AKR1D1: variants seen among roughly 807,000 people sequenced by gnomAD.
AKR1D1 encodes aldo-keto reductase family 1 member D1.
Under a neutral mutation model 42.6 loss-of-function variants are expected in AKR1D1, and 32 were observed. That is an observed-to-expected ratio of 0.75 (90% confidence interval 0.57 to 1.01). AKR1D1 has a LOEUF of 1.01. Ranked by LOEUF, AKR1D1 falls within the 50% of genes least tolerant of loss-of-function variation. AKR1D1 has a pLI of 0.00. For missense variants in AKR1D1, 364 were observed against 402.2 expected (o/e 0.91, Z 0.81); for synonymous variants, 123 against 135.5 (o/e 0.91, Z 0.64).
At chr7:138,097,797 A>T in intron 3 of AKR1D1, 69 bp from the exon 4 acceptor site, 1 of 1,250,856 alleles carries the variant, frequency 8.0e-7, no homozygotes, top group African/African-American at 1.5e-5. Context: ...TGGGAAGTCT[A>T]AATTCTATTA....
chr7:138,096,867 T>G (rs1344145704), intron 3 of AKR1D1, among the ~76,000 whole-genome samples: 1 of 152,230 alleles, frequency 6.6e-6, no homozygotes, highest in African/African-American at 2.4e-5. Context: ...AATCCAATCA[T>G]GTGGATTTAA....
intron 2 of AKR1D1, among the ~76,000 whole-genome samples, chr7:138,090,284 C>T (rs1794037653): frequency 6.6e-6 from 1 of 151,996 alleles, no homozygotes; most frequent in African/African-American, 2.4e-5. Flanking sequence ...AAATCATTGT[C>T]CAACAGAGGA....
At chr7:138,086,226 T>C (rs553510087) in intron 1 of AKR1D1, among the ~76,000 whole-genome samples, 1 of 152,226 alleles carries the variant, frequency 6.6e-6, no homozygotes, top group African/African-American at 2.4e-5. Flanking sequence ...ATAATGTAGA[T>C]ACTTGAGAAT....
chr7:138,098,282 C>A, intron 4 of AKR1D1: 1 of 207,418 alleles, frequency 4.8e-6, no homozygotes, highest in South Asian at 8.7e-5. Flanking sequence ...AATATGATGC[C>A]TACAAGAAAC....
intron 1 of AKR1D1, 29 bp downstream of exon 1, chr7:138,076,640 CTTGT>C (rs767977652): frequency 1.1e-5 from 17 of 1,558,196 alleles, no homozygotes; most frequent in Non-Finnish European, 1.4e-5. Context: ...TCTTTGCTTG[CTTGT>C]TTGTTTCTTT....
At chr7:138,090,788 G>A (rs776873022) in intron 2 of AKR1D1, among the ~76,000 whole-genome samples, 1 of 152,148 alleles carries the variant, frequency 6.6e-6, no homozygotes, top group Non-Finnish European at 1.5e-5. Context: ...ACACTTAAGG[G>A]TACACATGCT....
intron 2 of AKR1D1, among the ~76,000 whole-genome samples, chr7:138,090,218 A>G (rs956540358): frequency 1.3e-5 from 2 of 152,138 alleles, no homozygotes; most frequent in Admixed American, 1.3e-4. Flanking sequence ...CACGTAACAC[A>G]TTTTTCCACT....
At chr7:138,110,931 T>A (rs1300692033) in intron 7 of AKR1D1, among the ~76,000 whole-genome samples, 1 of 152,148 alleles carries the variant, frequency 6.6e-6, no homozygotes, top group Non-Finnish European at 1.5e-5. Flanking sequence ...TTTGAAGATG[T>A]TATCTCTGGG....
chr7:138,098,258 T>A (rs1236235761), intron 4 of AKR1D1: 1 of 248,860 alleles, frequency 4.0e-6, no homozygotes, highest in African/African-American at 2.3e-5. Context: ...TCAAAAAATA[T>A]ATATCAAGTT....
intron 4 of AKR1D1, among the ~76,000 whole-genome samples, chr7:138,100,133 G>GAAA (rs1794266899): frequency 1.1e-5 from 1 of 89,958 alleles, no homozygotes; most frequent in Admixed American, 1.1e-4. Flanking sequence ...AAGAGAAAAT[G>GAAA]TTAAAACTTC....
intron 4 of AKR1D1, among the ~76,000 whole-genome samples, chr7:138,101,320 C>T (rs1794313738): frequency 6.6e-6 from 1 of 151,992 alleles, no homozygotes; most frequent in African/African-American, 2.4e-5. Flanking sequence ...CTGCCTCAGC[C>T]TCCTGAGTAG....
chr7:138,114,022 G>C (rs1336196355), intron 8 of AKR1D1, among the ~76,000 whole-genome samples: 1 of 152,168 alleles, frequency 6.6e-6, no homozygotes, highest in Non-Finnish European at 1.5e-5. Flanking sequence ...AAGGCATGCA[G>C]GCTAAGGAAC....
chr7:138,098,588 C>G (rs746548265), intron 4 of AKR1D1, among the ~76,000 whole-genome samples: 13 of 152,030 alleles, frequency 8.6e-5, no homozygotes, highest in Non-Finnish European at 1.8e-4. Flanking sequence ...CCAGCCTGGG[C>G]GACAGAGCAA....
intron 4 of AKR1D1, among the ~76,000 whole-genome samples, chr7:138,100,845 T>C (rs1474107502): frequency 6.6e-6 from 1 of 150,406 alleles, no homozygotes. Flanking sequence ...GCTGGGACTA[T>C]AGGTGCCCGC....
chr7:138,090,211 G>A (rs201809607), intron 2 of AKR1D1, among the ~76,000 whole-genome samples: 3 of 152,048 alleles, frequency 2.0e-5, no homozygotes, highest in Non-Finnish European at 4.4e-5. Flanking sequence ...CAAAACACAC[G>A]TAACACATTT....
chr7:138,095,494 C>T (rs921281915), intron 3 of AKR1D1, among the ~76,000 whole-genome samples: 1 of 152,050 alleles, frequency 6.6e-6, no homozygotes, highest in Non-Finnish European at 1.5e-5. Flanking sequence ...AGGTGAAATG[C>T]TAGAGGAAAA....
rs1223857980 is a variant in AKR1D1, at chr7:138,113,786, A to G, written c.938+14A>G. 1.2e-6 allele frequency: 2 copies of G among 1,610,200 alleles called. No homozygotes were observed. Among genetic ancestry groups the G allele is most frequent in the Non-Finnish European group, 1.7e-6 (2 of 1,176,464 alleles). On this transcript the variant is annotated intron_variant, in intron 8 of 8. Transcript: ENST00000242375. ...AGAATTGCTCATGTAAGTTCCGGGG[A>G]TCATTAATGGGTATTGACCAGTGGT... is the stretch of plus-strand genomic sequence containing the variant.
intron 6 of AKR1D1, 21 bp downstream of exon 6, chr7:138,106,738 C>G (rs762292527): frequency 6.8e-5 from 106 of 1,551,926 alleles, no homozygotes; most frequent in Non-Finnish European, 8.9e-5. Context: ...CTTTAGGAAG[C>G]ATTTCCTTTG....
chr7:138,088,878 A>C (rs1794002352), intron 2 of AKR1D1, 110 bp downstream of exon 2: 1 of 1,173,086 alleles, frequency 8.5e-7, no homozygotes, highest in Admixed American at 2.0e-5. Flanking sequence ...ATGAGTAGGC[A>C]GTACTTAATA....
Sources: gnomAD v4.1 joint callset for allele counts (sites outside exome capture counted in the v4.1 genomes callset) on GRCh38, gnomAD v4.1.1 for gene constraint, MANE v1.5 for transcripts, NCBI Gene and HGNC (gene_info 2026-07-23, HGNC 2026-07-21) for gene names.